Variants in ZDHHC6 observed in about 807,000 individuals in gnomAD.
ZDHHC6 encodes palmitoyltransferase ZDHHC6.
A neutral mutation model predicts 57.8 loss-of-function variants in ZDHHC6; 32 were observed. The observed-to-expected ratio is 0.55, with a 90% CI of 0.42 to 0.74. The LOEUF is 0.74. Ranked by LOEUF, ZDHHC6 falls within the 30% of genes least tolerant of loss-of-function variation. The pLI, the probability that ZDHHC6 is intolerant of heterozygous loss-of-function variation, is 0.00. For synonymous variants in ZDHHC6, 128 were observed against 158.0 expected (o/e 0.81, Z 1.42); for missense variants, 433 against 500.7 (o/e 0.86, Z 1.29).
intron 7 of ZDHHC6, 125 bp from the exon 8 acceptor site, chr10:112,433,406 A>G (rs1419431255): frequency 1.4e-6 from 1 of 734,762 alleles, no homozygotes; most frequent in East Asian, 2.9e-5. Flanking sequence ...CAAGTTGCTG[A>G]TAATTTAAAG....
chr10:112,433,376 A>C lies in ZDHHC6; in HGVS notation c.904-95T>G, dbSNP rs1845214250. The stretch of plus-strand genomic sequence containing the variant: ...TCAACTGTCAGAGTGATATGGCAAA[A>C]CCCCAATTTTCCAGCATTTCAAGTT... On this transcript the variant is annotated intron_variant, in intron 7 of 10. Coordinates refer to ENST00000369405, the MANE Select transcript of ZDHHC6 (RefSeq NM_022494.3). 10 of 1,012,642 alleles carry C rather than the reference A, an allele frequency of 9.9e-6. No homozygotes were observed. The South Asian group carries it at 1.7e-4, about 17-fold the overall frequency. The allele number at this position is 1,012,642 out of a possible 1,614,324, so 62.7% of individuals were successfully genotyped here.
chr10:112,439,308 G>C (rs1186061232), intron 5 of ZDHHC6, among the ~76,000 whole-genome samples: 1 of 152,152 alleles, frequency 6.6e-6, no homozygotes, highest in Non-Finnish European at 1.5e-5. Context: ...ATGAATGAAT[G>C]AATGAATTAC....
intron 10 of ZDHHC6, among the ~76,000 whole-genome samples, chr10:112,431,221 T>C (rs111854650): frequency 6.6e-6 from 1 of 152,168 alleles, no homozygotes; most frequent in African/African-American, 2.4e-5. Flanking sequence ...AGGAAAGGTG[T>C]TTTTGGCACA....
At chr10:112,428,632 G>A (rs994922322), downstream of ZDHHC6, among the ~76,000 whole-genome samples, 6 of 152,116 alleles carry the variant, frequency 3.9e-5, no homozygotes, top group South Asian at 2.1e-4. Flanking sequence ...CTAGCTGGGC[G>A]TGGTGGCGGG....
downstream of ZDHHC6, among the ~76,000 whole-genome samples, chr10:112,430,137 A>G (rs1300612775): frequency 1.3e-5 from 2 of 152,340 alleles, no homozygotes. Flanking sequence ...CTATGACCGC[A>G]ATATCCCATT....
At position 112,445,256 on chromosome 10, in the gene ZDHHC6, A is replaced by C. The variant is rs1354094907; in HGVS notation, c.181T>G (p.Leu61Val). The C allele has an allele frequency of 6.2e-7, 1 of 1,614,098 alleles. No individual in the cohort carries two copies. The highest frequency in any genetic ancestry group is 8.5e-7 in the Non-Finnish European group (1 of 1,180,036). ...AGAATCATGACAGTCCAATTTATCA[A>C]CATGATGAAATTCACACTTCCTCCA... ...TTGGSVNFIM[L>V]INWTVMILYN... The change falls in exon 2 of 11, where the codon TTG becomes GTG. Residue 61 changes from leucine (L) to valine (V), a missense_variant. Leu to Val is a conservative substitution (Grantham distance 32). Transcript: ENST00000369405.
downstream of ZDHHC6, chr10:112,426,271 G>C (rs909452609): frequency 2.5e-6 from 4 of 1,613,900 alleles, no homozygotes; most frequent in East Asian, 4.5e-5. Flanking sequence ...TCCTTAGTAG[G>C]AGTGGTGGTT....
chr10:112,438,504 A>G (rs1845764546), intron 5 of ZDHHC6, 115 bp from the exon 6 acceptor site: 1 of 867,302 alleles, frequency 1.2e-6, no homozygotes, highest in Non-Finnish European at 1.6e-6. Context: ...CAAAGATACC[A>G]AGGATAACAG....
chr10:112,439,025 T>C (rs905233972), intron 5 of ZDHHC6, among the ~76,000 whole-genome samples: 2 of 152,164 alleles, frequency 1.3e-5, no homozygotes, highest in Non-Finnish European at 2.9e-5. Flanking sequence ...GATAATAAAG[T>C]ATAAACAAAA....
At chr10:112,427,430 C>A, downstream of ZDHHC6, 1 of 1,419,872 alleles carries the variant, frequency 7.0e-7, no homozygotes, top group South Asian at 1.5e-5. Context: ...ACTATTCTTA[C>A]ATTTGTTTTG....
In ZDHHC6 at chr10:112,432,750, A is replaced by G. The variant is rs566978942; in HGVS notation, c.946-229T>C. On this transcript the variant is annotated intron_variant, in intron 8 of 10. Coordinates refer to ENST00000369405, the MANE Select transcript of ZDHHC6 (RefSeq NM_022494.3). ...CCTCTTTTCAAGCCCATAGCTAAGA[A>G]TTAGAGTTAGAGCAGGGCTAAGAAC... Among the ~76,000 whole-genome samples the G allele has an allele frequency of 6.6e-5, 10 of 152,274 alleles. No homozygotes were observed. In the South Asian group the frequency reaches 1.4e-3, roughly 22 times the overall value.
At chr10:112,429,067 A>G (rs1844851281), downstream of ZDHHC6, among the ~76,000 whole-genome samples, 7 of 152,370 alleles carry the variant, frequency 4.6e-5, no homozygotes, top group South Asian at 1.4e-3. Context: ...TTGAATATTA[A>G]TAGTATTCTT....
intron 8 of ZDHHC6, among the ~76,000 whole-genome samples, chr10:112,432,784 A>G (rs1391929152): frequency 6.6e-6 from 1 of 152,244 alleles, no homozygotes; most frequent in Non-Finnish European, 1.5e-5. Context: ...ACATTCTGCC[A>G]TGATGGAAAT....
intron 7 of ZDHHC6, 152 bp from the exon 8 acceptor site, chr10:112,433,433 G>T: frequency 3.5e-6 from 2 of 578,574 alleles, no homozygotes; most frequent in Non-Finnish European, 5.7e-6. Flanking sequence ...GGTTGTTTTA[G>T]CATGGAAAAA....
chr10:112,426,980 C>A, downstream of ZDHHC6: 2 of 992,366 alleles, frequency 2.0e-6, no homozygotes, highest in Non-Finnish European at 3.1e-6. Context: ...GTGCCATTAA[C>A]TACAAAATGA....
At chr10:112,435,125 A>G (rs985860474) in intron 6 of ZDHHC6, among the ~76,000 whole-genome samples, 4 of 152,242 alleles carry the variant, frequency 2.6e-5, no homozygotes, top group African/African-American at 9.6e-5. Flanking sequence ...ATGCATGTAC[A>G]TAACTATTCA....
chr10:112,442,977 T>A (rs1846273862), intron 3 of ZDHHC6, among the ~76,000 whole-genome samples: 1 of 152,226 alleles, frequency 6.6e-6, no homozygotes. Context: ...TACTAATCAG[T>A]GATTATAGCT....
At chr10:112,447,247 T>A (rs1032394104), upstream of ZDHHC6, 87 of 975,438 alleles carry the variant, frequency 8.9e-5, no homozygotes, top group Non-Finnish European at 1.3e-4. Context: ...TTGAGAGCTG[T>A]CCCCGGTTCT....
intron 8 of ZDHHC6, among the ~76,000 whole-genome samples, chr10:112,432,766 G>C (rs1312242786): frequency 6.6e-6 from 1 of 152,096 alleles, no homozygotes; most frequent in African/African-American, 2.4e-5. Flanking sequence ...GTTAGAGCAG[G>C]GCTAAGAACA....
Sources: allele counts gnomAD v4.1 joint callset (sites outside exome capture counted in the v4.1 genomes callset), GRCh38; gene constraint gnomAD v4.1.1; transcripts MANE v1.5; gene names NCBI Gene and HGNC (gene_info 2026-07-23, HGNC 2026-07-21).